Variants in FGD6 observed in about 807,000 individuals in gnomAD.
FGD6 encodes the protein FYVE, RhoGEF and PH domain containing 6.
FGD6 carries 90 observed loss-of-function variants against 149.4 expected under a neutral mutation model. The observed-to-expected ratio is 0.60, with a 90% CI of 0.51 to 0.72. The LOEUF (loss-of-function observed/expected upper bound fraction) is 0.72. Among genes scored for constraint, FGD6 ranks in the 30% least tolerant of loss-of-function variants. The pLI is 0.00. For missense variants in FGD6, 1,437 were observed against 1,684.8 expected, an observed-to-expected ratio of 0.85 and a Z score of 2.57; for synonymous variants, 527 against 584.0, an observed-to-expected ratio of 0.90 and a Z score of 1.41.
intron 2 of FGD6, among the ~76,000 whole-genome samples, chr12:95,190,767 T>A (rs117855820): frequency 1.3e-5 from 2 of 152,106 alleles, no homozygotes; most frequent in Non-Finnish European, 2.9e-5. Flanking sequence ...GTAAAAATTT[T>A]GGGCGAGGCA....
chr12:95,196,978 C>T (rs995116303), intron 2 of FGD6, among the ~76,000 whole-genome samples: 2 of 152,098 alleles, frequency 1.3e-5, no homozygotes, highest in South Asian at 4.1e-4. Flanking sequence ...CATCTCAATC[C>T]GTTTTACCTT....
intron 14 of FGD6, 66 bp downstream of exon 14, chr12:95,104,941 G>T (rs1234428917): frequency 1.4e-6 from 2 of 1,435,132 alleles, no homozygotes; most frequent in Admixed American, 2.4e-5. Context: ...AAATTTTCCT[G>T]ACATTCCCTA....
intron 14 of FGD6, among the ~76,000 whole-genome samples, chr12:95,095,251 G>C (rs528653001): frequency 6.6e-6 from 1 of 152,248 alleles, no homozygotes; most frequent in African/African-American, 2.4e-5. Context: ...GTTTTTGTTA[G>C]GGCTTCTCTA....
chr12:95,151,341 G>A (rs1365135351), intron 5 of FGD6, among the ~76,000 whole-genome samples: 1 of 152,042 alleles, frequency 6.6e-6, no homozygotes, highest in Admixed American at 6.6e-5. Flanking sequence ...TACCATCTTG[G>A]CTCACTGCAA....
chr12:95,173,938 A>C (rs1244031815), intron 2 of FGD6, among the ~76,000 whole-genome samples: 1 of 152,174 alleles, frequency 6.6e-6, no homozygotes, highest in Non-Finnish European at 1.5e-5. Context: ...TAGGATACAG[A>C]CTTGCCTCAG....
intron 16 of FGD6, among the ~76,000 whole-genome samples, chr12:95,092,144 T>C (rs776820401): frequency 2.0e-5 from 3 of 152,200 alleles, no homozygotes; most frequent in Non-Finnish European, 2.9e-5. Flanking sequence ...AGCACTGTCA[T>C]CATCATAATC....
chr12:95,177,802 A>G (rs1435166183), intron 2 of FGD6, among the ~76,000 whole-genome samples: 2 of 152,154 alleles, frequency 1.3e-5, no homozygotes, highest in East Asian at 3.8e-4. Context: ...AATTATTTCT[A>G]TTTTGTTTTA....
At chr12:95,196,529 C>A (rs1881741207) in intron 2 of FGD6, among the ~76,000 whole-genome samples, 1 of 152,028 alleles carries the variant, frequency 6.6e-6, no homozygotes, top group Non-Finnish European at 1.5e-5. Flanking sequence ...TGCACCTGGT[C>A]AGAAGGAATT....
intron 3 of FGD6, among the ~76,000 whole-genome samples, chr12:95,170,316 T>G (rs1880953474): frequency 6.6e-6 from 1 of 152,138 alleles, no homozygotes; most frequent in Non-Finnish European, 1.5e-5. Flanking sequence ...CTGATTATGA[T>G]TAAGCACAGT....
rs1323750960 is a variant in FGD6 at position 95,077,106 on chromosome 12, A to T, written c.*4414T>A. The T allele has an allele frequency of 6.6e-6, 1 of 152,178 alleles. No individual in the cohort carries two copies. The highest frequency in any genetic ancestry group is 1.5e-5 in the Non-Finnish European group (1 of 68,042). The allele number at this position is 152,178 out of a possible 1,614,324, so 9.4% of individuals were successfully genotyped here. A position where few individuals can be genotyped will look rare whatever the true frequency, so the allele number is the denominator to read the frequency against. On this transcript the variant is annotated 3_prime_UTR_variant, in exon 21 of 21. Coordinates refer to ENST00000343958, the MANE Select transcript of FGD6 (RefSeq NM_018351.4). ...TATAAGGGAAAATATCATAGATAAG[A>T]TTTTCCTTTAGAAAATGACATTAAA...
intron 2 of FGD6, among the ~76,000 whole-genome samples, chr12:95,199,614 C>CTTTTT (rs35515272): frequency 7.8e-6 from 1 of 128,706 alleles, no homozygotes; most frequent in African/African-American, 3.0e-5. Flanking sequence ...GAAAAGCTAC[C>CTTTTT]TTTTTTTTTT....
At chr12:95,124,440 C>A (rs1289747224) in intron 8 of FGD6, among the ~76,000 whole-genome samples, 1 of 152,092 alleles carries the variant, frequency 6.6e-6, no homozygotes, top group Non-Finnish European at 1.5e-5. Context: ...AATGTAAGCA[C>A]CACAGTTCAA....
intron 5 of FGD6, among the ~76,000 whole-genome samples, chr12:95,142,919 A>G (rs528704114): frequency 6.6e-6 from 1 of 152,216 alleles, no homozygotes; most frequent in South Asian, 2.1e-4. Context: ...GGTCAATATC[A>G]CCGCACCCTA....
chr12:95,097,225 C>CA (rs1438727157), intron 14 of FGD6, among the ~76,000 whole-genome samples: 1 of 152,174 alleles, frequency 6.6e-6, no homozygotes, highest in East Asian at 1.9e-4. Flanking sequence ...GCATCTTCTT[C>CA]AAACTGAAAA....
intron 2 of FGD6, among the ~76,000 whole-genome samples, chr12:95,180,470 C>T (rs761369475): frequency 3.3e-5 from 5 of 150,916 alleles, no homozygotes; most frequent in Non-Finnish European, 7.4e-5. Context: ...CACAGCTCAC[C>T]GTAACTTCTG....
At chr12:95,172,532 A>C in intron 3 of FGD6, 68 bp downstream of exon 3, 1 of 1,357,870 alleles carries the variant, frequency 7.4e-7, no homozygotes, top group East Asian at 2.4e-5. Flanking sequence ...TTCTGTGCCT[A>C]TTATGCAGAC....
chr12:95,111,472 C>T (rs1385276780), intron 9 of FGD6, among the ~76,000 whole-genome samples: 1 of 152,146 alleles, frequency 6.6e-6, no homozygotes. Flanking sequence ...GCCCAGGACC[C>T]AGGACAGATG....
At chr12:95,098,341 T>C (rs1246249443) in intron 14 of FGD6, among the ~76,000 whole-genome samples, 2 of 152,140 alleles carry the variant, frequency 1.3e-5, no homozygotes, top group Non-Finnish European at 2.9e-5. Context: ...CCAGATTCCA[T>C]GCAGCAGCCG....
At chr12:95,204,619 A>T (rs2056684245) in intron 2 of FGD6, among the ~76,000 whole-genome samples, 1 of 151,826 alleles carries the variant, frequency 6.6e-6, no homozygotes, top group African/African-American at 2.4e-5. Flanking sequence ...GGCCTTGTAG[A>T]TTTGCTCCTC....
Sources: allele counts gnomAD v4.1 joint callset (sites outside exome capture counted in the v4.1 genomes callset), GRCh38; gene constraint gnomAD v4.1.1; transcripts MANE v1.5; gene names NCBI Gene and HGNC (gene_info 2026-07-23, HGNC 2026-07-21).